PRSS22: variants seen among roughly 807,000 people sequenced by gnomAD.
The protein encoded by PRSS22 is brain-specific serine protease 4.
Under a neutral mutation model 28.0 loss-of-function variants are expected in PRSS22, and 26 were observed. The observed-to-expected ratio is 0.93, with a 90% CI of 0.68 to 1.29. The LOEUF is 1.29. Ranked by LOEUF, PRSS22 falls within the 50% of genes most tolerant of loss-of-function variation. The pLI, the probability that PRSS22 is intolerant of heterozygous loss-of-function variation, is 0.00. For missense variants in PRSS22, 444 were observed against 422.1 expected, an observed-to-expected ratio of 1.05 and a Z score of -0.46; for synonymous variants, 217 against 177.9, an observed-to-expected ratio of 1.22 and a Z score of -1.75.
chr16:2,853,348 G>T lies in PRSS22; in HGVS notation c.718-19C>A. On this transcript the variant is annotated intron_variant, in intron 5 of 5. Coordinates refer to ENST00000161006, the MANE Select transcript of PRSS22 (RefSeq NM_022119.4). The surrounding 1 kb of genome is among the most constrained non-coding windows in gnomAD (Gnocchi z 4.6). ...AGTCGCCCTGCAGAGAGGAGGCGAG[G>T]TTAGGAACCCCCGTGGCACAGGGGG... 6.3e-7 allele frequency: 1 copy of T among 1,579,822 alleles called. No homozygotes were observed. The highest frequency in any genetic ancestry group is 8.6e-7 in the Non-Finnish European group (1 of 1,168,040).
rs1567290827 is a variant in PRSS22 at position 2,856,067 on chromosome 16, GC to G, written c.281+14del. The G allele has an allele frequency of 1.2e-6, 2 of 1,610,834 alleles. No individual in the cohort carries two copies. Among genetic ancestry groups the G allele is most frequent in the Non-Finnish European group, 1.7e-6 (2 of 1,177,718 alleles). On this transcript the variant is annotated intron_variant, in intron 3 of 5. Coordinates refer to ENST00000161006, the MANE Select transcript of PRSS22 (RefSeq NM_022119.4). Reference sequence around the variant, plus strand: ...GGCCTTAGAAGATCAAGTGCCCCAGGCCGGCTGTACATACTCCTTGAAACAG... The same window carrying G: ...GGCCTTAGAAGATCAAGTGCCCCAGGCGGCTGTACATACTCCTTGAAACAG...
chr16:2,857,845 T>C, intron 1 of PRSS22, 178 bp downstream of exon 1: 1 of 450,584 alleles, frequency 2.2e-6, no homozygotes, highest in Non-Finnish European at 3.6e-6. Context: ...GTTTTCTGTT[T>C]CATCCTCACA....
rs546187548 is a variant in PRSS22, at chr16:2,855,696, C to G, written c.437G>C (p.Arg146Pro). The change falls in exon 4 of 6, where the codon CGT becomes CCT. Residue 146 changes from arginine (R) to proline (P), a missense_variant. Arg to Pro is a moderately radical substitution (Grantham distance 103). Coordinates refer to ENST00000161006, the MANE Select transcript of PRSS22 (RefSeq NM_022119.4). The part of the protein sequence containing the change: ...EGACADIALV[R>P]LERSIQFSER... ...TGAGAACTGTATGGAGCGCTCGAGA[C>G]GCACCAGGGCAATGTCTGCACAGGC... 6.2e-7 allele frequency: 1 copy of G among 1,614,222 alleles called. No individual in the cohort carries two copies. The highest frequency in any genetic ancestry group is 1.1e-5 in the South Asian group (1 of 91,084).
chr16:2,857,068 A>C (rs1333645733), intron 1 of PRSS22: 2 of 591,460 alleles, frequency 3.4e-6, no homozygotes, highest in African/African-American at 4.2e-5. Flanking sequence ...GCGCCCAGTG[A>C]GGAGGGGTCC....
rs769388248 is a variant in PRSS22 at position 2,853,131 on chromosome 16, C to T, written c.916G>A (p.Ala306Thr). The change falls in exon 6 of 6, where the codon GCA becomes ACA. Residue 306 changes from alanine to threonine, a missense_variant. Ala to Thr is a moderately conservative substitution (Grantham distance 58). Transcript: ENST00000161006. This position sits in a 1 kb window ranked among gnomAD's most constrained non-coding sequence, Gnocchi z 4.6. ...GCGGCCCCAGAGCCCTGGCTCGGTG[C>T]CCTGAGGGCCCCACCCCCCTGAGCG... ...GRAQGGGALR[A>T]PSQGSGAAAR... 19 of 1,596,486 alleles carry T rather than the reference C, an allele frequency of 1.2e-5. No homozygotes were observed. In the Admixed American group the frequency reaches 3.0e-4, roughly 25 times the overall value.
At chr16:2,854,338 A>G (rs1467386188) in intron 4 of PRSS22, 4 of 273,182 alleles carry the variant, frequency 1.5e-5, no homozygotes, top group Non-Finnish European at 2.8e-5. Flanking sequence ...CTGCTATAGA[A>G]GAAGTGTTCA....
intron 1 of PRSS22, 86 bp downstream of exon 1, chr16:2,857,937 A>C: frequency 2.0e-6 from 2 of 1,015,388 alleles, no homozygotes; most frequent in African/African-American, 1.7e-5. Flanking sequence ...GAGAGAGGCA[A>C]GGCCAGGAGG....
At chr16:2,856,362 C>T in intron 2 of PRSS22, 109 bp from the exon 3 acceptor site, 1 of 1,147,108 alleles carries the variant, frequency 8.7e-7, no homozygotes, top group South Asian at 1.4e-5. Context: ...AAGCTCCGTT[C>T]ATGTCCCCAA....
chr16:2,853,401 C>A lies in PRSS22; in HGVS notation c.718-72G>T. Reference sequence around the variant, plus strand: ...GCAGAATCCAGGGCCCGTGCCCTGTCAGGGGGCAGATGAGCCCCTTCCCGG... The same window carrying A: ...GCAGAATCCAGGGCCCGTGCCCTGTAAGGGGGCAGATGAGCCCCTTCCCGG... On this transcript the variant is annotated intron_variant, in intron 5 of 5. Coordinates refer to ENST00000161006, the MANE Select transcript of PRSS22 (RefSeq NM_022119.4). The surrounding 1 kb of genome is among the most constrained non-coding windows in gnomAD (Gnocchi z 4.6). 1 of 1,291,618 alleles carries A rather than the reference C, an allele frequency of 7.7e-7. No individual in the cohort carries two copies. Among genetic ancestry groups the A allele is most frequent in the Non-Finnish European group, 1.1e-6 (1 of 931,724 alleles). The allele number at this position is 1,291,618 out of a possible 1,614,324, so 80.0% of individuals were successfully genotyped here. A position where few individuals can be genotyped will look rare whatever the true frequency, so the allele number is the denominator to read the frequency against.
Position 2,854,012 on chromosome 16 carries a change from G to A in PRSS22, c.570C>T (p.Pro190=). 1 of 1,614,154 alleles carries A rather than the reference G, an allele frequency of 6.2e-7. No homozygotes were observed. Among genetic ancestry groups the A allele is most frequent in the Admixed American group, 1.7e-5 (1 of 60,022 alleles). ...WGSIQDGVPL[P]HPQTLQKLKV... Reference sequence around the variant, plus strand: ...TCAGCTTCTGCAGGGTCTGAGGGTGGGGCAAGGGAACTGGGAGGAAAGAGG... The same window carrying A: ...TCAGCTTCTGCAGGGTCTGAGGGTGAGGCAAGGGAACTGGGAGGAAAGAGG... The change falls in exon 5 of 6, where the codon CCC becomes CCT. Residue 190 remains proline (P), a synonymous_variant. Transcript: ENST00000161006.
At position 2,854,010 on chromosome 16, in the gene PRSS22, T is replaced by A; in HGVS notation, c.572A>T (p.His191Leu). ...GSIQDGVPLP[H>L]PQTLQKLKVP... ...CTTCAGCTTCTGCAGGGTCTGAGGG[T>A]GGGGCAAGGGAACTGGGAGGAAAGA... Residue 191 changes from histidine to leucine, a missense_variant, in exon 5 of 6, where the codon CAC becomes CTC. His to Leu is a moderately conservative substitution (Grantham distance 99). Transcript: ENST00000161006. The A allele has an allele frequency of 6.8e-6, 11 of 1,614,018 alleles. No individual in the cohort carries two copies. Among genetic ancestry groups the A allele is most frequent in the Non-Finnish European group, 8.5e-6 (10 of 1,180,006 alleles).
rs2069421855 is a variant in PRSS22, at chr16:2,853,160, C to CCG, written c.885_886dup (p.Gly296AlafsTer119). On this transcript the variant is annotated frameshift_variant, in exon 6 of 6. Transcript: ENST00000161006. LOFTEE classifies it low-confidence loss of function (END_TRUNC). The surrounding 1 kb of genome is among the most constrained non-coding windows in gnomAD (Gnocchi z 4.6). The stretch of plus-strand genomic sequence containing the variant: ...GAGGGCCCCACCCCCCTGAGCGCGC[C>CCG]CGCGGAGCTGCACCCCTTGCACGAT... The CCG allele has an allele frequency of 6.3e-7, 1 of 1,598,724 alleles. No homozygotes were observed.
Position 2,856,133 on chromosome 16 carries a change from C to T in PRSS22, c.230G>A (p.Gly77Asp). 2.5e-6 allele frequency: 4 copies of T among 1,613,974 alleles called. No homozygotes were observed. Among genetic ancestry groups the T allele is most frequent in the Non-Finnish European group, 1.7e-6 (2 of 1,179,976 alleles). The change falls in exon 3 of 6, where the codon GGT (glycine) becomes GAT (aspartate). Residue 77 changes from glycine (G) to aspartate (D), a missense_variant. Physicochemically the swap from Gly to Asp is moderately conservative, Grantham distance 94. Transcript: ENST00000161006. ...CACCCAGCGGCTGGTGAGCAGAGAA[C>T]CTGCGCAGTGGTGGGTCCCATTCTT... Reference protein sequence around the residue: ...IQKNGTHHCAGSLLTSRWVIT... With the variant: ...IQKNGTHHCADSLLTSRWVIT...
intron 4 of PRSS22, 98 bp downstream of exon 4, chr16:2,855,476 C>T: frequency 7.2e-7 from 1 of 1,396,108 alleles, no homozygotes; most frequent in Non-Finnish European, 9.9e-7. Flanking sequence ...GTGCCTCTGG[C>T]CTCCACCCTT....
intron 2 of PRSS22, 38 bp from the exon 3 acceptor site, chr16:2,856,291 C>T (rs761992493): frequency 1.9e-6 from 3 of 1,606,464 alleles, no homozygotes; most frequent in African/African-American, 1.3e-5. Flanking sequence ...CTCCAACTTC[C>T]TACAACCCAC....
chr16:2,854,447 G>C (rs113026633), intron 4 of PRSS22: 11 of 175,010 alleles, frequency 6.3e-5, no homozygotes, highest in African/African-American at 2.6e-4. Flanking sequence ...ATTGTGGACT[G>C]AAAGTCCGCG....
chr16:2,857,915 C>A (rs1596327143), intron 1 of PRSS22, 108 bp downstream of exon 1: 1 of 769,004 alleles, frequency 1.3e-6, no homozygotes, highest in African/African-American at 1.8e-5. Flanking sequence ...AGAGCAGAAG[C>A]GGAAAGGAGA....
In PRSS22 at chr16:2,855,576, C is replaced by T; in HGVS notation, c.557G>A (p.Gly186Glu). 6.2e-7 allele frequency: 1 copy of T among 1,614,026 alleles called. No homozygotes were observed. The highest frequency in any genetic ancestry group is 8.5e-7 in the Non-Finnish European group (1 of 1,180,012). ...WISGWGSIQD[G>E]VPLPHPQTLQ... ...CCTTGGAGAGGAAGAAGCCGCACCTCCATCTTGGATGCTCCCCCAGCCTGA... is the reference window on the plus strand; with the variant it reads ...CCTTGGAGAGGAAGAAGCCGCACCTTCATCTTGGATGCTCCCCCAGCCTGA... The change falls in exon 4 of 6, where the codon GGA becomes GAA. Residue 186 changes from glycine to glutamate, a missense_variant and splice_region_variant. Gly to Glu is a moderately conservative substitution (Grantham distance 98, BLOSUM62 -2). Coordinates refer to ENST00000161006, the MANE Select transcript of PRSS22 (RefSeq NM_022119.4).
At chr16:2,856,312 C>A in intron 2 of PRSS22, 59 bp from the exon 3 acceptor site, 2 of 1,574,694 alleles carry the variant, frequency 1.3e-6, no homozygotes, top group Non-Finnish European at 1.7e-6. Context: ...CCCCGGAATC[C>A]CAATCCCTAG....
Sources: gnomAD v4.1 joint callset for allele counts on GRCh38, gnomAD v4.1.1 for gene constraint, Gnocchi (gnomAD v3.1) non-coding constraint, MANE v1.5 for transcripts, NCBI Gene and HGNC (gene_info 2026-07-23, HGNC 2026-07-21) for gene names.